SLC6A6: variants seen among roughly 807,000 people sequenced by gnomAD.
The protein encoded by SLC6A6 is sodium- and chloride-dependent taurine transporter.
In SLC6A6, 16 loss-of-function variants were observed where a neutral mutation model predicts 68.8. The ratio of observed to expected loss-of-function variants is 0.23; its 90% CI spans 0.16 to 0.35. SLC6A6 has a LOEUF of 0.35. Ranked by LOEUF, SLC6A6 falls within the 10% of genes least tolerant of loss-of-function variation. SLC6A6 has a pLI of 1.00. For missense variants in SLC6A6, 474 were observed against 802.8 expected, an observed-to-expected ratio of 0.59 and a Z score of 4.95; for synonymous variants, 312 against 315.4, an observed-to-expected ratio of 0.99 and a Z score of 0.12.
chr3:14,414,206 C>T (rs763805295), intron 1 of SLC6A6, among the ~76,000 whole-genome samples: 33 of 152,116 alleles, frequency 2.2e-4, no homozygotes, highest in African/African-American at 1.4e-4. Context: ...AGTGTAGTGC[C>T]GCCCCCTGCC....
intron 2 of SLC6A6, among the ~76,000 whole-genome samples, chr3:14,417,435 A>G (rs1402022717): frequency 6.6e-6 from 1 of 151,864 alleles, no homozygotes; most frequent in Non-Finnish European, 1.5e-5. Context: ...CAGGCCTTTC[A>G]TAAGAGCAAG....
intron 9 of SLC6A6, among the ~76,000 whole-genome samples, chr3:14,471,751 T>A (rs1700756968): frequency 6.6e-6 from 1 of 152,196 alleles, no homozygotes; most frequent in Non-Finnish European, 1.5e-5. Context: ...CTATGGTGTT[T>A]TAGCCATTAA....
rs1262930359 is a variant in SLC6A6 at position 14,486,406 on chromosome 3, T to C, written c.*1399T>C. 6.6e-6 allele frequency: 1 copy of C among 152,566 alleles called. No homozygotes were observed. Among genetic ancestry groups the C allele is most frequent in the African/African-American group, 2.4e-5 (1 of 41,396 alleles). The allele number at this position is 152,566 out of a possible 1,614,324, so 9.5% of individuals were successfully genotyped here. A position where few individuals can be genotyped will look rare whatever the true frequency, so the allele number is the denominator to read the frequency against. ...TTCACTTCAAAACCCCTGCAATAGC[T>C]GGGTTTACAGACATTTACCACCTGC... On this transcript the variant is annotated 3_prime_UTR_variant, in exon 15 of 15. Coordinates refer to ENST00000622186, the MANE Select transcript of SLC6A6 (RefSeq NM_003043.6).
intron 6 of SLC6A6, among the ~76,000 whole-genome samples, chr3:14,461,819 C>A (rs1218135651): frequency 6.6e-6 from 1 of 152,184 alleles, no homozygotes; most frequent in Non-Finnish European, 1.5e-5. Context: ...CCTAGGATCT[C>A]TGGGATCAAT....
In SLC6A6 at chr3:14,467,841, T is replaced by TC. The variant is rs1188716453; in HGVS notation, c.868-7dup. 6.4e-7 allele frequency: 1 copy of TC among 1,557,716 alleles called. No individual in the cohort carries two copies. Among genetic ancestry groups the TC allele is most frequent in the Admixed American group, 1.8e-5 (1 of 57,122 alleles). On this transcript the variant is annotated splice_polypyrimidine_tract_variant and intron_variant, in intron 7 of 14. Coordinates refer to ENST00000622186, the MANE Select transcript of SLC6A6 (RefSeq NM_003043.6). ...CTCCTCTCTTTCCTTGCCACCTCCC[T>TC]CCCCCTCATAGGTGTGGATTGACGC...
In SLC6A6 at chr3:14,406,688, G is replaced by C. The variant is rs141129565; in HGVS notation, c.-54+3841G>C. On this transcript the variant is annotated intron_variant, in intron 1 of 14. Transcript: ENST00000622186. Reference sequence around the variant, plus strand: ...TTTCCTTTCCTGCCTTACCTGGTCAGAGGCTTCATTTGGAAACCTGGGCAG... The same window carrying C: ...TTTCCTTTCCTGCCTTACCTGGTCACAGGCTTCATTTGGAAACCTGGGCAG... 6.0e-3 allele frequency among the ~76,000 whole-genome samples: 910 copies of C among 152,312 alleles called. 7 individuals are homozygous for C. Among genetic ancestry groups the C allele is most frequent in the Middle Eastern group, 0.01 (3 of 294 alleles).
rs1481486567 is a variant in SLC6A6 at position 14,477,444 on chromosome 3, C to G, written c.1347+102C>G. 3.4e-6 allele frequency: 4 copies of G among 1,187,844 alleles called. No homozygotes were observed. The African/African-American group carries it at 6.0e-5, about 18-fold the overall frequency. 73.6% of individuals were successfully genotyped at this position (1,187,844 alleles called of 1,614,324 possible). On this transcript the variant is annotated intron_variant, in intron 11 of 14. Transcript: ENST00000622186. The surrounding 1 kb of genome is among the most constrained non-coding windows in gnomAD (Gnocchi z 4.2). The stretch of plus-strand genomic sequence containing the variant: ...GGGTGAGAGGGCCAGGTAGGGGCTT[C>G]ATCTCCCAGCCCCACCCAATTCAGG...
chr3:14,447,296 C>T (rs185128466), intron 4 of SLC6A6, among the ~76,000 whole-genome samples: 1 of 152,240 alleles, frequency 6.6e-6, no homozygotes, highest in East Asian at 1.9e-4. Context: ...ATCCAATCAA[C>T]CATCCTCTTT....
At position 14,402,636 on chromosome 3, in the gene SLC6A6, G is replaced by C; in HGVS notation, c.-265G>C. Reference sequence around the variant, plus strand: ...CTGCCTGCTCAGACAACAGACACGCGAGGTCAGGAAGAAGCCGCTTATAAA... The same window carrying C: ...CTGCCTGCTCAGACAACAGACACGCCAGGTCAGGAAGAAGCCGCTTATAAA... On this transcript the variant is annotated 5_prime_UTR_variant, in exon 1 of 15. Coordinates refer to ENST00000622186, the MANE Select transcript of SLC6A6 (RefSeq NM_003043.6). This position sits in a 1 kb window ranked among gnomAD's most constrained non-coding sequence, Gnocchi z 4.8. 2.5e-6 allele frequency: 1 copy of C among 397,982 alleles called. No homozygotes were observed. The highest frequency in any genetic ancestry group is 4.4e-6 in the Non-Finnish European group (1 of 225,700). The allele number at this position is 397,982 out of a possible 1,614,324, so 24.7% of individuals were successfully genotyped here. A position where few individuals can be genotyped will look rare whatever the true frequency, so the allele number is the denominator to read the frequency against.
At chr3:14,484,724 C>A in intron 14 of SLC6A6, 143 bp from the exon 15 acceptor site, 1 of 775,858 alleles carries the variant, frequency 1.3e-6, no homozygotes, top group Non-Finnish European at 2.0e-6. Flanking sequence ...CCAAAAAGGA[C>A]AAAAACAGGA....
At chr3:14,466,265 TAAAAAAAA>T (rs11310077) in intron 6 of SLC6A6, among the ~76,000 whole-genome samples, 12 of 110,270 alleles carry the variant, frequency 1.1e-4, no homozygotes, top group Middle Eastern at 5.8e-3. Context: ...GTCTCAAATT[TAAAAAAAA>T]AAAAAAAAAA....
At chr3:14,416,596 A>T in intron 2 of SLC6A6, 143 bp downstream of exon 2, 1 of 395,508 alleles carries the variant, frequency 2.5e-6, no homozygotes, top group Admixed American at 4.4e-5. Context: ...CCTTGTCCAC[A>T]CCTCACCTCC....
At chr3:14,463,459 C>G (rs1700541599) in intron 6 of SLC6A6, among the ~76,000 whole-genome samples, 1 of 152,256 alleles carries the variant, frequency 6.6e-6, no homozygotes, top group Admixed American at 6.5e-5. Flanking sequence ...GCCCTCTGGT[C>G]ACAGACCACT....
intron 2 of SLC6A6, among the ~76,000 whole-genome samples, chr3:14,421,761 A>G (rs1445965909): frequency 6.6e-6 from 1 of 152,212 alleles, no homozygotes; most frequent in African/African-American, 2.4e-5. Flanking sequence ...TCAGGAAGGC[A>G]GTGAGAAACT....
At chr3:14,462,568 G>A (rs573880372) in intron 6 of SLC6A6, among the ~76,000 whole-genome samples, 127 of 152,228 alleles carry the variant, frequency 8.3e-4, no homozygotes, top group African/African-American at 3.0e-3. Context: ...GCATCGTGGC[G>A]CGTACCTGTA....
chr3:14,442,742 G>A (rs546105976), intron 2 of SLC6A6, among the ~76,000 whole-genome samples: 18 of 152,274 alleles, frequency 1.2e-4, no homozygotes, highest in African/African-American at 3.6e-4. Flanking sequence ...GAACAGCTCC[G>A]GGGGCTTAGA....
At chr3:14,479,307 C>T (rs955534559) in intron 13 of SLC6A6, 122 bp downstream of exon 13, 14 of 685,530 alleles carry the variant, frequency 2.0e-5, no homozygotes, top group Non-Finnish European at 3.2e-5. Context: ...AACCCAGCTT[C>T]AGCGCTGCCT....
At position 14,439,910 on chromosome 3, in the gene SLC6A6, C is replaced by T. The variant is rs138322745; in HGVS notation, c.-11-3714C>T. Among the ~76,000 whole-genome samples, 34 of 152,294 alleles carry T rather than the reference C, an allele frequency of 2.2e-4. 1 individual carries two copies. Among genetic ancestry groups the T allele is most frequent in the African/African-American group, 7.5e-4 (31 of 41,552 alleles). ...AGCTCCTAAGGGTTTGGATACATCA[C>T]GGTCACTGTTACTCCCAGCGGAGTG... On this transcript the variant is annotated intron_variant, in intron 2 of 14. Transcript: ENST00000622186.
chr3:14,469,620 C>T (rs752694296), intron 9 of SLC6A6, among the ~76,000 whole-genome samples: 33 of 152,186 alleles, frequency 2.2e-4, no homozygotes, highest in East Asian at 5.8e-4. Flanking sequence ...ACTTGTCACA[C>T]GCTGGACAGG....
Sources: gnomAD v4.1 joint callset for allele counts (sites outside exome capture counted in the v4.1 genomes callset) on GRCh38, gnomAD v4.1.1 for gene constraint, Gnocchi (gnomAD v3.1) non-coding constraint, MANE v1.5 for transcripts, NCBI Gene and HGNC (gene_info 2026-07-23, HGNC 2026-07-21) for gene names.